Variants in ZNF35 observed in about 807,000 individuals in gnomAD.
The protein encoded by ZNF35 is zinc finger protein 35 (clone HF.10).
A neutral mutation model predicts 45.9 loss-of-function variants in ZNF35; 31 were observed. That is an observed-to-expected ratio of 0.68 (90% confidence interval 0.51 to 0.91). The LOEUF (loss-of-function observed/expected upper bound fraction) is 0.91. ZNF35 is among the 40% of genes least tolerant of loss of function. The pLI is 0.00. For missense variants in ZNF35, 515 were observed against 625.4 expected (o/e 0.82, Z 1.88); for synonymous variants, 205 against 220.2 (o/e 0.93, Z 0.61).
At position 44,658,926 on chromosome 3, in the gene ZNF35, T is replaced by G; in HGVS notation, c.563T>G (p.Phe188Cys). ...AATGACTGTCACTTACCTGAAAGCTTCAAAGAAGAGGAAAACCAGAAATGT... is the reference window on the plus strand; with the variant it reads ...AATGACTGTCACTTACCTGAAAGCTGCAAAGAAGAGGAAAACCAGAAATGT... ...IVNDCHLPES[F>C]KEEENQKCKK... The change falls in exon 4 of 4, where the codon TTC becomes TGC. Residue 188 changes from phenylalanine (F) to cysteine (C), a missense_variant. Phe to Cys is a radical substitution (Grantham distance 205). Transcript: ENST00000396056. 4.3e-6 allele frequency: 7 copies of G among 1,613,676 alleles called. No homozygotes were observed. The highest frequency in any genetic ancestry group is 5.9e-6 in the Non-Finnish European group (7 of 1,179,944).
Position 44,650,954 on chromosome 3 carries a change from T to G in ZNF35, c.-114T>G, listed in dbSNP as rs1374284439. 2 of 1,043,066 alleles carry G rather than the reference T, an allele frequency of 1.9e-6. No individual in the cohort carries two copies. Among genetic ancestry groups the G allele is most frequent in the Non-Finnish European group, 2.7e-6 (2 of 728,260 alleles). The allele number at this position is 1,043,066 out of a possible 1,614,324, so 64.6% of individuals were successfully genotyped here. ...CTGATTTCTCAGTAGGCAGTACTCA[T>G]CTTGGCCCTGGGAAGAAACTCAAGA... On this transcript the variant is annotated 5_prime_UTR_variant, in exon 2 of 4. Transcript: ENST00000396056.
Position 44,659,994 on chromosome 3 carries a change from C to T in ZNF35, c.*47C>T, listed in dbSNP as rs780856864. On this transcript the variant is annotated 3_prime_UTR_variant, in exon 4 of 4. Transcript: ENST00000396056. This position sits in a 1 kb window ranked among gnomAD's most constrained non-coding sequence, Gnocchi z 4.3. ...TCCAGCATTGGTCATAACCTTCTGC[C>T]TCCCTAATGAGACACCTCTTTGCTG... The T allele has an allele frequency of 2.0e-6, 3 of 1,494,786 alleles. No homozygotes were observed. The highest frequency in any genetic ancestry group is 2.7e-6 in the Non-Finnish European group (3 of 1,120,722). The allele number at this position is 1,494,786 out of a possible 1,614,324, so 92.6% of individuals were successfully genotyped here.
upstream of ZNF35, chr3:44,648,656 A>G (rs1240800855): frequency 6.6e-6 from 1 of 151,946 alleles, no homozygotes; most frequent in South Asian, 2.1e-4. Context: ...ACCCATCGAG[A>G]GGAAAGCACC....
chr3:44,650,810 G>A (rs1703187998), intron 1 of ZNF35, 131 bp from the exon 2 acceptor site: 2 of 385,822 alleles, frequency 5.2e-6, no homozygotes, highest in South Asian at 1.2e-4. Context: ...GGGAGGAATA[G>A]AGGATTCCAT....
chr3:44,653,126 C>G (rs189461049), intron 3 of ZNF35, among the ~76,000 whole-genome samples: 5 of 152,130 alleles, frequency 3.3e-5, no homozygotes, highest in African/African-American at 1.2e-4. Context: ...AAAAGGCATG[C>G]GGTTTATGTC....
rs1459919064 is a variant in ZNF35, at chr3:44,658,836, AG to A, written c.476del (p.Gly159GlufsTer4). 2 of 1,613,564 alleles carry A rather than the reference AG, an allele frequency of 1.2e-6. No individual in the cohort carries two copies. Among genetic ancestry groups the A allele is most frequent in the African/African-American group, 1.3e-5 (1 of 74,902 alleles). ...QGPELGEACEKGNMLKRQRIK... is the reference protein window; with the variant it reads ...QGPELGEACEXGNMLKRQRIK... ...CCTGAGTTAGGAGAAGCTTGTGAAAAGGGAAACATGTTAAAGAGGCAGAGAA... is the reference window on the plus strand; with the variant it reads ...CCTGAGTTAGGAGAAGCTTGTGAAAAGGAAACATGTTAAAGAGGCAGAGAA... On this transcript the variant is annotated frameshift_variant, in exon 4 of 4. Coordinates refer to ENST00000396056, the MANE Select transcript of ZNF35 (RefSeq NM_003420.4). LOFTEE classifies it high-confidence loss of function.
chr3:44,648,220 T>TA, upstream of ZNF35: 1 of 152,212 alleles, frequency 6.6e-6, no homozygotes, highest in South Asian at 2.1e-4. Flanking sequence ...TTGATTTTCT[T>TA]ACCTGTGACG....
At chr3:44,652,420 C>T (rs879140833) in intron 2 of ZNF35, 137 bp from the exon 3 acceptor site, 3 of 921,242 alleles carry the variant, frequency 3.3e-6, no homozygotes, top group East Asian at 2.8e-5. Context: ...TTGGAGGAGA[C>T]TCTGGCTTCC....
At chr3:44,646,557 C>A, upstream of ZNF35, 3 of 1,159,468 alleles carry the variant, frequency 2.6e-6, no homozygotes, top group African/African-American at 1.5e-5. Context: ...ACATCCAGAA[C>A]GTGGAATATT....
intron 3 of ZNF35, 136 bp downstream of exon 3, chr3:44,652,837 G>A: frequency 1.1e-6 from 1 of 914,904 alleles, no homozygotes; most frequent in African/African-American, 1.7e-5. Flanking sequence ...AAGCTGGAAA[G>A]AGGAATGCTG....
rs1703370184 is a variant in ZNF35 at position 44,659,760 on chromosome 3, G to T, written c.1397G>T (p.Arg466Ile). 1.2e-6 allele frequency: 2 copies of T among 1,613,976 alleles called. No individual in the cohort carries two copies. The highest frequency in any genetic ancestry group is 2.2e-5 in the East Asian group (1 of 44,848). ...TCSSYLLIHQRIHNGEKPYTC... is the reference protein window; with the variant it reads ...TCSSYLLIHQIIHNGEKPYTC... ...AGCTCATACCTACTTATTCATCAGA[G>T]AATTCATAATGGAGAAAAACCTTAC... The change falls in exon 4 of 4, where the codon AGA becomes ATA. Residue 466 changes from arginine (R) to isoleucine (I), a missense_variant. Physicochemically the swap from Arg to Ile is moderately conservative, Grantham distance 97 (BLOSUM62 -3). Around this residue, in one of 3 missense-constraint regions of ZNF35, gnomAD observed 232 missense variants for 304.6 expected, o/e 0.76. Coordinates refer to ENST00000396056, the MANE Select transcript of ZNF35 (RefSeq NM_003420.4). The surrounding 1 kb of genome is among the most constrained non-coding windows in gnomAD (Gnocchi z 4.3).
At chr3:44,646,551 C>A (rs373205944), upstream of ZNF35, 2 of 1,219,480 alleles carry the variant, frequency 1.6e-6, no homozygotes, top group Middle Eastern at 1.9e-4. Context: ...ACAGACACAT[C>A]CAGAACGTGG....
chr3:44,655,601 C>T (rs1575516375), intron 3 of ZNF35, among the ~76,000 whole-genome samples: 1 of 152,080 alleles, frequency 6.6e-6, no homozygotes, highest in East Asian at 1.9e-4. Context: ...TCAAATAAGC[C>T]AAGGTTATAC....
In ZNF35 at chr3:44,651,171, G is replaced by C; in HGVS notation, c.104G>C (p.Ser35Thr). 6.2e-7 allele frequency: 1 copy of C among 1,614,198 alleles called. No individual in the cohort carries two copies. The highest frequency in any genetic ancestry group is 8.5e-7 in the Non-Finnish European group (1 of 1,180,036). The change falls in exon 2 of 4, where the codon AGC becomes ACC. Residue 35 changes from serine (S) to threonine (T), a missense_variant. Ser to Thr is a moderately conservative substitution (Grantham distance 58). This residue lies in a region of ZNF35 where 275 missense variants were observed against 295.7 expected (regional missense o/e 0.93). Transcript: ENST00000396056. ...GAAAACTTCCCAGGTCAGGCATCCA[G>C]CCAACAAGTGCACTCCGAGAACATC... ...EEENFPGQAS[S>T]QQVHSENIKV...
intron 1 of ZNF35, 132 bp downstream of exon 1, chr3:44,648,966 G>A (rs935089977): frequency 5.9e-5 from 9 of 152,584 alleles, no homozygotes; most frequent in African/African-American, 1.9e-4. Context: ...GGGTGCGGGG[G>A]GCAGTGAGTT....
chr3:44,654,536 T>C (rs775549811), intron 3 of ZNF35, among the ~76,000 whole-genome samples: 2 of 152,200 alleles, frequency 1.3e-5, no homozygotes, highest in African/African-American at 2.4e-5. Context: ...CCTTGCTCTT[T>C]TTTTAGCTGA....
upstream of ZNF35, chr3:44,647,614 C>G (rs1575508946): frequency 1.3e-5 from 2 of 152,122 alleles, no homozygotes; most frequent in Admixed American, 1.3e-4. Flanking sequence ...ATACTTGTTA[C>G]TCTGCAATAA....
intron 1 of ZNF35, among the ~76,000 whole-genome samples, chr3:44,649,307 T>G (rs556425691): frequency 7.2e-5 from 11 of 152,172 alleles, no homozygotes; most frequent in Non-Finnish European, 1.5e-4. Flanking sequence ...ATGGAAAGAA[T>G]AGTCCTCCAG....
intron 1 of ZNF35, 65 bp from the exon 2 acceptor site, chr3:44,650,876 C>G (rs934067097): frequency 1.8e-6 from 1 of 549,082 alleles, no homozygotes. Context: ...TGGCATCCGG[C>G]AAATTTGCTA....
Sources: allele counts gnomAD v4.1 joint callset (sites outside exome capture counted in the v4.1 genomes callset), GRCh38; gene constraint gnomAD v4.1.1; regional missense constraint gnomAD v4.1.1; non-coding constraint Gnocchi (gnomAD v3.1); transcripts MANE v1.5; gene names NCBI Gene and HGNC (gene_info 2026-07-23, HGNC 2026-07-21).